The following AGBL4 variants were observed in gnomAD, a reference collection of about 807,000 sequenced individuals.
AGBL4 encodes AGBL carboxypeptidase 4, also known as cytosolic carboxypeptidase 6.
Under a neutral mutation model 66.4 loss-of-function variants are expected in AGBL4, and 58 were observed. The ratio of observed to expected loss-of-function variants is 0.87; its 90% CI spans 0.71 to 1.09. The LOEUF (loss-of-function observed/expected upper bound fraction) is 1.09. Among genes scored for constraint, AGBL4 ranks in the 50% least tolerant of loss-of-function variants. The pLI, the probability that AGBL4 is intolerant of heterozygous loss-of-function variation, is 0.00. For synonymous variants in AGBL4, 234 were observed against 222.9 expected (o/e 1.05, Z -0.44); for missense variants, 579 against 631.0 (o/e 0.92, Z 0.88).
At chr1:49,743,812 C>A (rs996484739) in intron 2 of AGBL4, among the ~76,000 whole-genome samples, 40 of 149,636 alleles carry the variant, frequency 2.7e-4, no homozygotes, top group African/African-American at 9.9e-5. Flanking sequence ...GACAAAAAAA[C>A]CAAACACCGC....
intron 6 of AGBL4, among the ~76,000 whole-genome samples, chr1:48,751,646 C>CA (rs1162301647): frequency 2.6e-5 from 4 of 151,736 alleles, no homozygotes; most frequent in Non-Finnish European, 4.4e-5. Context: ...CTGGCAAATC[C>CA]AAAAAAAACA....
At chr1:49,416,160 A>C (rs908910859) in intron 3 of AGBL4, among the ~76,000 whole-genome samples, 1 of 152,058 alleles carries the variant, frequency 6.6e-6, no homozygotes, top group Non-Finnish European at 1.5e-5. Context: ...GAACCGGTAC[A>C]TTTTGTTATG....
chr1:49,619,238 ATCT>A (rs1417970561), intron 3 of AGBL4, among the ~76,000 whole-genome samples: 1 of 152,216 alleles, frequency 6.6e-6, no homozygotes, highest in African/African-American at 2.4e-5. Flanking sequence ...TCAGCCAAAA[ATCT>A]TCTTAAGCTG....
intron 6 of AGBL4, among the ~76,000 whole-genome samples, chr1:48,852,951 A>G (rs1570834593): frequency 6.6e-6 from 1 of 152,148 alleles, no homozygotes; most frequent in Non-Finnish European, 1.5e-5. Flanking sequence ...GAATGAATCT[A>G]ACTTCCTAGT....
intron 1 of AGBL4, among the ~76,000 whole-genome samples, chr1:49,891,156 TGAA>T (rs1376606996): frequency 6.6e-6 from 1 of 152,102 alleles, no homozygotes; most frequent in Non-Finnish European, 1.5e-5. Flanking sequence ...GTAAAGATGC[TGAA>T]GAAGAAGCAA....
At chr1:48,715,182 C>T (rs773039122) in intron 6 of AGBL4, among the ~76,000 whole-genome samples, 8 of 152,092 alleles carry the variant, frequency 5.3e-5, no homozygotes, top group Non-Finnish European at 1.2e-4. Context: ...TAAGCACATA[C>T]CTTGCCTCAT....
At chr1:48,882,192 T>C (rs1649859419) in intron 5 of AGBL4, among the ~76,000 whole-genome samples, 1 of 152,176 alleles carries the variant, frequency 6.6e-6, no homozygotes, top group Admixed American at 6.5e-5. Flanking sequence ...ACTAATACAC[T>C]ACCTAATGTG....
At chr1:49,483,717 C>T (rs544671468) in intron 3 of AGBL4, among the ~76,000 whole-genome samples, 1 of 151,848 alleles carries the variant, frequency 6.6e-6, no homozygotes, top group East Asian at 1.9e-4. Flanking sequence ...GCTCCGCAAG[C>T]ACAGGCAACC....
At chr1:49,193,296 A>G (rs1647158495) in intron 4 of AGBL4, among the ~76,000 whole-genome samples, 1 of 151,246 alleles carries the variant, frequency 6.6e-6, no homozygotes, top group East Asian at 1.9e-4. Context: ...AGGTAACATT[A>G]TATTGTTAAT....
At chr1:49,767,025 G>A (rs905219240) in intron 2 of AGBL4, among the ~76,000 whole-genome samples, 36 of 152,098 alleles carry the variant, frequency 2.4e-4, no homozygotes, top group Non-Finnish European at 5.9e-5. Flanking sequence ...ACACCCCACT[G>A]AGAGTACTAA....
chr1:48,892,232 ACTGT>A (rs1417963891), intron 5 of AGBL4, among the ~76,000 whole-genome samples: 1 of 152,148 alleles, frequency 6.6e-6, no homozygotes, highest in African/African-American at 2.4e-5. Context: ...ATTCTCTCTG[ACTGT>A]CTGTGTCCTT....
At chr1:49,876,964 G>A (rs1309177477) in intron 1 of AGBL4, among the ~76,000 whole-genome samples, 1 of 151,592 alleles carries the variant, frequency 6.6e-6, no homozygotes, top group Non-Finnish European at 1.5e-5. Flanking sequence ...CTGTTTGTCT[G>A]TTGTTGGTGT....
At chr1:49,797,494 C>A (rs1258086523) in intron 2 of AGBL4, among the ~76,000 whole-genome samples, 3 of 152,102 alleles carry the variant, frequency 2.0e-5, no homozygotes, top group Non-Finnish European at 4.4e-5. Context: ...AGTGGAGTGG[C>A]AGAATTATAT....
chr1:49,732,195 T>C (rs1195810900), intron 2 of AGBL4, among the ~76,000 whole-genome samples: 1 of 152,182 alleles, frequency 6.6e-6, no homozygotes, highest in African/African-American at 2.4e-5. Flanking sequence ...GGGACAAGCA[T>C]AGTCTTGGCT....
At chr1:49,955,731 A>G (rs982201729) in intron 1 of AGBL4, among the ~76,000 whole-genome samples, 1 of 151,908 alleles carries the variant, frequency 6.6e-6, no homozygotes, top group Non-Finnish European at 1.5e-5. Context: ...AGAATGAGAC[A>G]ACACTGTAAC....
intron 6 of AGBL4, among the ~76,000 whole-genome samples, chr1:48,693,143 C>T (rs919836838): frequency 5.3e-5 from 8 of 152,068 alleles, no homozygotes; most frequent in South Asian, 2.1e-4. Flanking sequence ...TTTCTTAAAG[C>T]GCTGATACTA....
At chr1:49,515,907 A>C (rs1412113648) in intron 3 of AGBL4, among the ~76,000 whole-genome samples, 1 of 90,940 alleles carries the variant, frequency 1.1e-5, no homozygotes, top group Non-Finnish European at 2.1e-5. Context: ...GGGAGGGGGG[A>C]GGGATAGCAT....
chr1:49,657,215 A>C (rs1646159204), intron 3 of AGBL4, among the ~76,000 whole-genome samples: 1 of 152,208 alleles, frequency 6.6e-6, no homozygotes, highest in South Asian at 2.1e-4. Flanking sequence ...CACCAATAAC[A>C]GACAAACAGA....
At chr1:49,501,940 A>G (rs1648200086) in intron 3 of AGBL4, among the ~76,000 whole-genome samples, 1 of 152,168 alleles carries the variant, frequency 6.6e-6, no homozygotes, top group Non-Finnish European at 1.5e-5. Context: ...TGTTATTGAC[A>G]TCCAGTTTCA....
Sources: allele counts gnomAD v4.1 joint callset (sites outside exome capture counted in the v4.1 genomes callset), GRCh38; gene constraint gnomAD v4.1.1; transcripts MANE v1.5; gene names NCBI Gene and HGNC (gene_info 2026-07-23, HGNC 2026-07-21).